HPSE2: variants seen among roughly 807,000 people sequenced by gnomAD.
HPSE2 encodes heparanase 2 (inactive).
A neutral mutation model predicts 60.5 loss-of-function variants in HPSE2; 38 were observed. That is an observed-to-expected ratio of 0.63 (90% CI 0.48 to 0.82). The LOEUF (loss-of-function observed/expected upper bound fraction) is 0.82. HPSE2 is among the 40% of genes least tolerant of loss of function. The probability of loss-of-function intolerance (pLI) is 0.00; values close to 1 mark genes in which losing one functional copy is unlikely to be tolerated. For synonymous variants in HPSE2, 295 were observed against 293.2 expected (o/e 1.01, Z -0.06); for missense variants, 713 against 740.4 (o/e 0.96, Z 0.43).
chr10:98,664,811 G>A (rs116350035), intron 6 of HPSE2, among the ~76,000 whole-genome samples: 1,929 of 152,222 alleles, frequency 0.013, 38 homozygotes, highest in African/African-American at 0.043. Flanking sequence ...CTCATCTTAC[G>A]TCACAAACAA....
intron 9 of HPSE2, among the ~76,000 whole-genome samples, chr10:98,547,459 G>C (rs1943721427): frequency 6.6e-6 from 1 of 150,422 alleles, no homozygotes; most frequent in South Asian, 2.1e-4. Flanking sequence ...TATACACCAT[G>C]GAATACTATG....
intron 3 of HPSE2, among the ~76,000 whole-genome samples, chr10:99,037,060 G>A (rs12572102): frequency 0.017 from 2,530 of 152,248 alleles, 107 homozygotes; most frequent in East Asian, 0.16. Context: ...CATCATATCT[G>A]TGGTAAACTT....
intron 11 of HPSE2, among the ~76,000 whole-genome samples, chr10:98,469,638 A>G (rs946162428): frequency 7.9e-5 from 12 of 152,228 alleles, no homozygotes; most frequent in African/African-American, 2.9e-4. Context: ...CTGGATTTCA[A>G]GGCCTTCTGC....
At chr10:99,227,269 C>T (rs895245791) in intron 2 of HPSE2, among the ~76,000 whole-genome samples, 1 of 151,912 alleles carries the variant, frequency 6.6e-6, no homozygotes, top group Non-Finnish European at 1.5e-5. Flanking sequence ...GAAAAATCTT[C>T]AGGAGATAAA....
At chr10:99,302,523 C>T in the HPSE2 span, among the ~76,000 whole-genome samples, 1 of 152,076 alleles carries the variant, frequency 6.6e-6, no homozygotes, top group East Asian at 1.9e-4. Context: ...TGCACTAATG[C>T]CAGGTACTCC....
chr10:98,742,469 G>T (rs910767219), intron 4 of HPSE2, among the ~76,000 whole-genome samples: 3 of 151,792 alleles, frequency 2.0e-5, no homozygotes, highest in Non-Finnish European at 4.4e-5. Flanking sequence ...TAATGAAAAT[G>T]TTGGAATCAA....
chr10:98,972,476 G>C (rs1403588418), intron 3 of HPSE2, among the ~76,000 whole-genome samples: 1 of 152,054 alleles, frequency 6.6e-6, no homozygotes, highest in Non-Finnish European at 1.5e-5. Flanking sequence ...AGTTCACAGA[G>C]ATATTCACTT....
chr10:98,722,053 A>G (rs1948941033), intron 4 of HPSE2, among the ~76,000 whole-genome samples: 1 of 151,794 alleles, frequency 6.6e-6, no homozygotes, highest in Admixed American at 6.6e-5. Flanking sequence ...AAGATAACCT[A>G]ATCAACACCG....
the HPSE2 span, among the ~76,000 whole-genome samples, chr10:99,283,521 T>A: frequency 0.028 from 4,209 of 151,100 alleles, 191 homozygotes; most frequent in African/African-American, 0.096. Context: ...AAAAGAAATT[T>A]AAAAAAAAAT....
intron 9 of HPSE2, among the ~76,000 whole-genome samples, chr10:98,614,036 G>A (rs559007505): frequency 1.3e-4 from 20 of 151,960 alleles, no homozygotes; most frequent in Non-Finnish European, 2.9e-4. Flanking sequence ...ATAAGTTGAC[G>A]CTCTTGGTAA....
intron 3 of HPSE2, among the ~76,000 whole-genome samples, chr10:99,029,904 C>T (rs1461080037): frequency 1.3e-5 from 2 of 152,152 alleles, no homozygotes; most frequent in Non-Finnish European, 2.9e-5. Context: ...TGCTAAGTAG[C>T]GGATGTTGTT....
intron 3 of HPSE2, among the ~76,000 whole-genome samples, chr10:98,889,381 A>G (rs907901734): frequency 1.3e-4 from 13 of 96,798 alleles, no homozygotes; most frequent in African/African-American, 5.1e-4. Context: ...TTTTTTTTGT[A>G]TTTTCAGTAG....
At chr10:98,801,911 T>C (rs1281973190) in intron 3 of HPSE2, among the ~76,000 whole-genome samples, 2 of 152,072 alleles carry the variant, frequency 1.3e-5, no homozygotes, top group Admixed American at 1.3e-4. Context: ...AGAACAAAAC[T>C]GAAATAATCA....
At chr10:99,071,593 A>G (rs960059366) in intron 3 of HPSE2, among the ~76,000 whole-genome samples, 1 of 152,214 alleles carries the variant, frequency 6.6e-6, no homozygotes, top group African/African-American at 2.4e-5. Context: ...AAGCATCTTT[A>G]CACTTTGTTG....
chr10:99,151,243 CAA>C (rs755830716), intron 2 of HPSE2, among the ~76,000 whole-genome samples: 1 of 127,788 alleles, frequency 7.8e-6, no homozygotes. Flanking sequence ...ACAAGCCATG[CAA>C]AAAAAAAAAA....
At chr10:98,810,802 C>A (rs1157821107) in intron 3 of HPSE2, among the ~76,000 whole-genome samples, 3 of 152,028 alleles carry the variant, frequency 2.0e-5, no homozygotes, top group Non-Finnish European at 4.4e-5. Flanking sequence ...ACAAAAATAT[C>A]TCTTGTTTAA....
chr10:98,694,304 C>G (rs1294795943), intron 5 of HPSE2, among the ~76,000 whole-genome samples: 1 of 152,240 alleles, frequency 6.6e-6, no homozygotes, highest in Non-Finnish European at 1.5e-5. Flanking sequence ...GGACTCCAAT[C>G]TCTGCTAGGA....
At chr10:98,513,070 A>G (rs779450456) in intron 9 of HPSE2, among the ~76,000 whole-genome samples, 20 of 152,152 alleles carry the variant, frequency 1.3e-4, no homozygotes, top group Non-Finnish European at 2.4e-4. Flanking sequence ...TATGATTTTC[A>G]TAATGATGGG....
At chr10:99,132,131 AG>A (rs59156044) in intron 3 of HPSE2, among the ~76,000 whole-genome samples, 10 of 122,300 alleles carry the variant, frequency 8.2e-5, no homozygotes, top group East Asian at 2.4e-4. Context: ...AAAGAAAGAA[AG>A]GAAAGAAAGA....
Sources: gnomAD v4.1 joint callset for allele counts (sites outside exome capture counted in the v4.1 genomes callset) on GRCh38, gnomAD v4.1.1 for gene constraint, MANE v1.5 for transcripts, NCBI Gene and HGNC (gene_info 2026-07-23, HGNC 2026-07-21) for gene names.